Variants in TPRG1 observed in about 807,000 individuals in gnomAD.
The protein encoded by TPRG1 is tumor protein p63-regulated gene 1 protein.
TPRG1 carries 29 observed loss-of-function variants against 29.3 expected under a neutral mutation model. That is an observed-to-expected ratio of 0.99 (90% confidence interval 0.74 to 1.35). The LOEUF (loss-of-function observed/expected upper bound fraction) is 1.35, where lower values mean the gene tolerates loss of function less well. Among genes scored for constraint, TPRG1 ranks in the 40% most tolerant of loss-of-function variants. The pLI is 0.00. For synonymous variants in TPRG1, 130 were observed against 116.8 expected (o/e 1.11, Z -0.73); for missense variants, 327 against 335.0 (o/e 0.98, Z 0.19).
At chr3:189,242,514 G>C (rs558416844) in intron 4 of TPRG1, among the ~76,000 whole-genome samples, 1 of 152,174 alleles carries the variant, frequency 6.6e-6, no homozygotes, top group South Asian at 2.1e-4. Context: ...AGTGGATTTA[G>C]TTTGCTAATA....
intron 4 of TPRG1, among the ~76,000 whole-genome samples, chr3:189,069,206 G>T (rs1716659149): frequency 1.3e-5 from 2 of 152,200 alleles, no homozygotes; most frequent in Non-Finnish European, 2.9e-5. Context: ...CAACAGCCTG[G>T]ATAAATCTTA....
Position 189,238,719 on chromosome 3 carries a change from G to T in TPRG1, c.303-14G>T. On this transcript the variant is annotated splice_polypyrimidine_tract_variant and intron_variant, in intron 3 of 5. Coordinates refer to ENST00000345063, the MANE Select transcript of TPRG1 (RefSeq NM_198485.4). ...TGTGTCATCAATTTTTATTTGCTAT[G>T]ATGATTCCTATAGGATAGACCACTG... The T allele has an allele frequency of 6.3e-7, 1 of 1,580,314 alleles. No individual in the cohort carries two copies. The highest frequency in any genetic ancestry group is 8.6e-7 in the Non-Finnish European group (1 of 1,159,408).
intron 4 of TPRG1, among the ~76,000 whole-genome samples, chr3:189,083,388 G>A (rs182249468): frequency 6.6e-6 from 1 of 152,194 alleles, no homozygotes; most frequent in African/African-American, 2.4e-5. Context: ...AAAGGGAGGG[G>A]CAGGGAAGAT....
chr3:189,145,911 A>T (rs959638290), intron 3 of TPRG1, among the ~76,000 whole-genome samples: 1 of 152,208 alleles, frequency 6.6e-6, no homozygotes, highest in Non-Finnish European at 1.5e-5. Flanking sequence ...CACAAAGGAG[A>T]ATCTTATATT....
intron 1 of TPRG1, among the ~76,000 whole-genome samples, chr3:189,117,261 A>G (rs958848474): frequency 6.6e-6 from 1 of 152,234 alleles, no homozygotes; most frequent in Non-Finnish European, 1.5e-5. Flanking sequence ...CCATGTGTTC[A>G]TAACAAATCA....
intron 5 of TPRG1, among the ~76,000 whole-genome samples, chr3:189,152,198 A>G (rs1301586490): frequency 6.6e-6 from 1 of 152,008 alleles, no homozygotes; most frequent in Non-Finnish European, 1.5e-5. Context: ...AAGGTGAACC[A>G]TTTACTTCAT....
At chr3:189,165,598 G>A (rs369166807) in intron 5 of TPRG1, among the ~76,000 whole-genome samples, 6 of 151,864 alleles carry the variant, frequency 4.0e-5, no homozygotes, top group South Asian at 2.1e-4. Context: ...TGCTGTCTTC[G>A]GGGTGAGAGG....
rs1005557525 is a variant in TPRG1, at chr3:189,019,632, G to T, written c.-659-4118G>T. ...TTTGATGTGCTGCTGGATTTGTTTTGCCAGTATTTTATTGAGGATTTTTGC... is the reference window on the plus strand; with the variant it reads ...TTTGATGTGCTGCTGGATTTGTTTTTCCAGTATTTTATTGAGGATTTTTGC... On this transcript the variant is annotated intron_variant, in intron 3 of 10. Transcript: ENST00000433971. Among the ~76,000 whole-genome samples, 3 of 152,078 alleles carry T rather than the reference G, an allele frequency of 2.0e-5. No individual in the cohort carries two copies. The South Asian group carries it at 6.2e-4, about 32-fold the overall frequency.
rs148120327 is a variant in TPRG1, at chr3:189,062,531, A to G, written c.-463+38585A>G. On this transcript the variant is annotated intron_variant, in intron 4 of 10. Coordinates refer to the TPRG1 transcript ENST00000433971. ...GCAGAAATATGAGTACATACAATGG[A>G]CTATCCTTCCCCTCATGAGTTTTAT... Among the ~76,000 whole-genome samples the G allele has an allele frequency of 5.6e-4, 85 of 152,296 alleles. No homozygotes were observed. The East Asian group carries it at 0.014, about 26-fold the overall frequency.
At chr3:189,059,312 G>A (rs1715934551) in intron 4 of TPRG1, among the ~76,000 whole-genome samples, 1 of 152,134 alleles carries the variant, frequency 6.6e-6, no homozygotes, top group South Asian at 2.1e-4. Flanking sequence ...CTGTGAGAAG[G>A]CCAGGTGCAG....
chr3:189,053,496 T>G (rs1399153376), intron 4 of TPRG1, among the ~76,000 whole-genome samples: 1 of 152,140 alleles, frequency 6.6e-6, no homozygotes, highest in Non-Finnish European at 1.5e-5. Context: ...ATACGGACAA[T>G]AAGATGCCAG....
intron 2 of TPRG1, among the ~76,000 whole-genome samples, chr3:189,213,129 A>G (rs937767135): frequency 6.6e-6 from 1 of 152,190 alleles, no homozygotes; most frequent in African/African-American, 2.4e-5. Context: ...CTTCTATCTG[A>G]TATCAGCCAT....
chr3:189,016,892 AT>A (rs1314817912), intron 3 of TPRG1, among the ~76,000 whole-genome samples: 13 of 152,136 alleles, frequency 8.5e-5, no homozygotes, highest in Non-Finnish European at 1.5e-4. Flanking sequence ...TTCTTCATAA[AT>A]TACTCAGTCT....
At position 189,145,324 on chromosome 3, in the gene TPRG1, T is replaced by C. The variant is rs79909870; in HGVS notation, c.-290-2260T>C. On this transcript the variant is annotated intron_variant, in intron 3 of 6. Coordinates refer to the TPRG1 transcript ENST00000412373. ...TTGCAGTGAGCTGAGATCGTGCCAG[T>C]GCACTCCAGCCTGGCAACAGAGGGA... is the stretch of plus-strand genomic sequence containing the variant. Among the ~76,000 whole-genome samples the C allele has an allele frequency of 6.8e-3, 957 of 140,372 alleles. 11 individuals carry two copies. The highest frequency in any genetic ancestry group is 0.024 in the African/African-American group (911 of 38,234). The allele number at this position is 140,372 out of a possible 152,430, so 92.1% of individuals were successfully genotyped here.
At chr3:189,043,151 A>G (rs1249053996) in intron 4 of TPRG1, among the ~76,000 whole-genome samples, 1 of 152,208 alleles carries the variant, frequency 6.6e-6, no homozygotes, top group Non-Finnish European at 1.5e-5. Flanking sequence ...AAGGAAAACT[A>G]TATATAGATT....
chr3:189,021,407 G>A (rs1713300142), intron 3 of TPRG1, among the ~76,000 whole-genome samples: 1 of 152,096 alleles, frequency 6.6e-6, no homozygotes, highest in Non-Finnish European at 1.5e-5. Context: ...TCCTTCAGGA[G>A]CTCTTTTAGG....
intron 4 of TPRG1, among the ~76,000 whole-genome samples, chr3:189,085,446 CAT>C (rs1491117916): frequency 1.1e-4 from 14 of 127,044 alleles, no homozygotes; most frequent in East Asian, 2.2e-4. Context: ...TGTGTGTGTG[CAT>C]GTGTGTGTGT....
At chr3:189,087,900 G>T (rs1718064904) in intron 4 of TPRG1, among the ~76,000 whole-genome samples, 1 of 152,136 alleles carries the variant, frequency 6.6e-6, no homozygotes, top group Admixed American at 6.5e-5. Flanking sequence ...TGCTGTTTTG[G>T]TTACTGTAGC....
intron 4 of TPRG1, among the ~76,000 whole-genome samples, chr3:189,293,186 G>T (rs1719305727): frequency 6.6e-6 from 1 of 152,148 alleles, no homozygotes; most frequent in Non-Finnish European, 1.5e-5. Flanking sequence ...TGTTCCCCAG[G>T]TTATAAATGA....
Sources: gnomAD v4.1 joint callset for allele counts (sites outside exome capture counted in the v4.1 genomes callset) on GRCh38, gnomAD v4.1.1 for gene constraint, MANE v1.5 for transcripts, NCBI Gene and HGNC (gene_info 2026-07-23, HGNC 2026-07-21) for gene names.